LSAMP: variants seen among roughly 807,000 people sequenced by gnomAD.
LSAMP encodes the protein limbic system associated membrane protein.
A neutral mutation model predicts 38.6 loss-of-function variants in LSAMP; 7 were observed. That is an observed-to-expected ratio of 0.18 (90% CI 0.10 to 0.34). The LOEUF (loss-of-function observed/expected upper bound fraction) is 0.34. Ranked by LOEUF, LSAMP falls within the 10% of genes least tolerant of loss-of-function variation. The pLI is 1.00. For missense variants in LSAMP, 313 were observed against 420.0 expected (o/e 0.75, Z 2.23); for synonymous variants, 154 against 166.8 (o/e 0.92, Z 0.59).
chr3:116,022,122 C>T (rs1377403423), intron 2 of LSAMP, among the ~76,000 whole-genome samples: 1 of 152,126 alleles, frequency 6.6e-6, no homozygotes, highest in East Asian at 1.9e-4. Flanking sequence ...ATGGGTCTTA[C>T]TCCATCATTT....
intron 1 of LSAMP, among the ~76,000 whole-genome samples, chr3:116,413,892 C>T (rs1354508291): frequency 8.6e-6 from 1 of 116,720 alleles, no homozygotes; most frequent in South Asian, 4.3e-4. Flanking sequence ...GGTAGTCTCA[C>T]AGAAAATTAC....
At chr3:116,440,803 A>T (rs2049423297) in intron 1 of LSAMP, among the ~76,000 whole-genome samples, 1 of 152,238 alleles carries the variant, frequency 6.6e-6, no homozygotes, top group Admixed American at 6.5e-5. Flanking sequence ...TAGTGATTTA[A>T]CTACAGAAAA....
chr3:115,976,902 T>C (rs1174128105), intron 3 of LSAMP, among the ~76,000 whole-genome samples: 1 of 152,110 alleles, frequency 6.6e-6, no homozygotes, highest in East Asian at 1.9e-4. Context: ...AAACTTATTT[T>C]CTTTATAAAC....
chr3:116,321,485 T>C (rs1261398504), intron 1 of LSAMP, among the ~76,000 whole-genome samples: 1 of 152,206 alleles, frequency 6.6e-6, no homozygotes, highest in African/African-American at 2.4e-5. Flanking sequence ...AGTAGCATAT[T>C]AGGGGCTTTT....
chr3:115,947,672 T>TA (rs914162798), intron 3 of LSAMP, among the ~76,000 whole-genome samples: 72 of 152,084 alleles, frequency 4.7e-4, no homozygotes, highest in African/African-American at 1.6e-3. Flanking sequence ...TATAATTCAA[T>TA]AAAAAAAGTT....
intron 3 of LSAMP, among the ~76,000 whole-genome samples, chr3:115,869,379 C>T (rs1935960923): frequency 6.6e-6 from 1 of 151,360 alleles, no homozygotes; most frequent in Admixed American, 6.6e-5. Flanking sequence ...TGATGAGTAC[C>T]AGCAATTTGG....
intron 2 of LSAMP, among the ~76,000 whole-genome samples, chr3:116,073,219 G>A (rs1278746546): frequency 2.6e-5 from 4 of 152,024 alleles, no homozygotes; most frequent in African/African-American, 9.7e-5. Context: ...ATGGTTGTAG[G>A]TGTGTGGTCC....
rs1186838828 is a variant in LSAMP, at chr3:115,808,475, G to C, written c.*1842C>G. ...TTTCCTAAGAAATCCTTCTGGTGAT[G>C]TGGTAACACCAAGCTTTGTGGTACT... is the stretch of plus-strand genomic sequence containing the variant. On this transcript the variant is annotated 3_prime_UTR_variant, in exon 7 of 7. Coordinates refer to ENST00000490035, the MANE Select transcript of LSAMP (RefSeq NM_002338.5). The C allele has an allele frequency of 6.6e-6, 1 of 152,098 alleles. No individual in the cohort carries two copies. Among genetic ancestry groups the C allele is most frequent in the Non-Finnish European group, 1.5e-5 (1 of 68,024 alleles). 9.4% of individuals were successfully genotyped at this position (152,098 alleles called of 1,614,324 possible).
At chr3:116,147,662 A>G (rs1342946386) in intron 1 of LSAMP, among the ~76,000 whole-genome samples, 1 of 151,854 alleles carries the variant, frequency 6.6e-6, no homozygotes, top group Non-Finnish European at 1.5e-5. Context: ...ACTAGGGCTG[A>G]ATTTTCCCAT....
intron 1 of LSAMP, among the ~76,000 whole-genome samples, chr3:116,215,547 T>C (rs1013452860): frequency 3.9e-5 from 6 of 152,190 alleles, no homozygotes; most frequent in African/African-American, 1.4e-4. Context: ...GACCACCTAC[T>C]TCTGAACCTT....
intron 3 of LSAMP, among the ~76,000 whole-genome samples, chr3:115,990,796 T>C (rs991912795): frequency 6.6e-6 from 1 of 152,122 alleles, no homozygotes; most frequent in Non-Finnish European, 1.5e-5. Flanking sequence ...TCTCAATCTT[T>C]AGTGAATGTT....
At chr3:116,080,819 C>T (rs1485306246) in intron 2 of LSAMP, among the ~76,000 whole-genome samples, 2 of 15,622 alleles carry the variant, frequency 1.3e-4, no homozygotes, top group African/African-American at 3.9e-4. Flanking sequence ...AAAATTCACA[C>T]TAAGAACAAA....
intron 1 of LSAMP, among the ~76,000 whole-genome samples, chr3:116,282,302 T>C (rs1219472172): frequency 5.9e-5 from 9 of 152,084 alleles, no homozygotes; most frequent in Non-Finnish European, 1.5e-5. Context: ...ATATCCAAAA[T>C]ATATCTTGGG....
chr3:115,916,937 T>C (rs1430675158), intron 3 of LSAMP, among the ~76,000 whole-genome samples: 2 of 152,212 alleles, frequency 1.3e-5, no homozygotes, highest in East Asian at 3.9e-4. Flanking sequence ...ATAGTCTCCT[T>C]ACAAAGGCTA....
intron 6 of LSAMP, among the ~76,000 whole-genome samples, chr3:115,839,750 G>GGT (rs1349600125): frequency 1.3e-5 from 2 of 152,182 alleles, no homozygotes; most frequent in Non-Finnish European, 2.9e-5. Flanking sequence ...GGGACCACCA[G>GGT]GAAGTACATC....
At chr3:116,134,289 G>A (rs1474762753) in intron 1 of LSAMP, among the ~76,000 whole-genome samples, 1 of 151,822 alleles carries the variant, frequency 6.6e-6, no homozygotes, top group Non-Finnish European at 1.5e-5. Context: ...CACTGATAAA[G>A]CCCTAGTACA....
chr3:116,084,521 C>G (rs904911184), intron 2 of LSAMP, among the ~76,000 whole-genome samples: 2 of 149,568 alleles, frequency 1.3e-5, no homozygotes, highest in African/African-American at 4.9e-5. Flanking sequence ...TTTAGATTTA[C>G]AGATCTGCTT....
Position 115,810,106 on chromosome 3 carries a change from T to C in LSAMP, c.*211A>G, listed in dbSNP as rs1295413244. 1 of 530,064 alleles carries C rather than the reference T, an allele frequency of 1.9e-6. No individual in the cohort carries two copies. The highest frequency in any genetic ancestry group is 3.2e-5 in the East Asian group (1 of 30,798). The allele number at this position is 530,064 out of a possible 1,614,324, so 32.8% of individuals were successfully genotyped here. ...AACCTTCTCCATCCTGAATGATACA[T>C]AAATTTTTAATGATGGACTGTAAAA... On this transcript the variant is annotated 3_prime_UTR_variant, in exon 7 of 7. Coordinates refer to ENST00000490035, the MANE Select transcript of LSAMP (RefSeq NM_002338.5).
chr3:116,162,525 G>T (rs1048875794), intron 1 of LSAMP, among the ~76,000 whole-genome samples: 1 of 152,046 alleles, frequency 6.6e-6, no homozygotes, highest in Non-Finnish European at 1.5e-5. Context: ...TTCATTAAGC[G>T]ATCCTCCACA....
Sources: gnomAD v4.1 joint callset for allele counts (sites outside exome capture counted in the v4.1 genomes callset) on GRCh38, gnomAD v4.1.1 for gene constraint, MANE v1.5 for transcripts, NCBI Gene and HGNC (gene_info 2026-07-23, HGNC 2026-07-21) for gene names.